The following CDH23 variants were observed in gnomAD, a reference collection of about 807,000 sequenced individuals.
CDH23 encodes the protein cadherin-23.
CDH23 carries 189 observed loss-of-function variants against 317.1 expected under a neutral mutation model. The observed-to-expected ratio is 0.60, with a 90% CI of 0.53 to 0.67. CDH23 has a LOEUF of 0.67. Among genes scored for constraint, CDH23 ranks in the 30% least tolerant of loss-of-function variants. The pLI, the probability that CDH23 is intolerant of heterozygous loss-of-function variation, is 0.00. For synonymous variants in CDH23, 1,839 were observed against 1,876.8 expected (o/e 0.98, Z 0.52); for missense variants, 4,401 against 4,592.4 (o/e 0.96, Z 1.20).
intron 16 of CDH23, among the ~76,000 whole-genome samples, chr10:71,678,571 T>C (rs1007305978): frequency 6.6e-6 from 1 of 152,182 alleles, no homozygotes; most frequent in Non-Finnish European, 1.5e-5. Context: ...GCACAGGGGA[T>C]ACCAAGAAGA....
At chr10:71,705,477 C>CAGAG (rs1865752394) in intron 25 of CDH23, among the ~76,000 whole-genome samples, 1 of 152,174 alleles carries the variant, frequency 6.6e-6, no homozygotes, top group South Asian at 2.1e-4. Flanking sequence ...AGGGAGGGTG[C>CAGAG]AGAGCCCTTT....
intron 9 of CDH23, among the ~76,000 whole-genome samples, chr10:71,598,337 C>T (rs564318731): frequency 7.2e-5 from 11 of 152,246 alleles, no homozygotes; most frequent in Non-Finnish European, 1.5e-4. Flanking sequence ...GCTTCCTCCA[C>T]AAGCAAAGAG....
At chr10:71,798,050 G>C (rs1841451584) in intron 49 of CDH23, among the ~76,000 whole-genome samples, 1 of 152,208 alleles carries the variant, frequency 6.6e-6, no homozygotes, top group African/African-American at 2.4e-5. Flanking sequence ...ATACAGCTCA[G>C]ACAGGATCTA....
chr10:71,514,833 C>T lies in CDH23; in HGVS notation c.429+3621C>T, dbSNP rs938655835. 2.6e-5 allele frequency among the ~76,000 whole-genome samples: 4 copies of T among 152,220 alleles called. No homozygotes were observed. The South Asian group carries it at 6.2e-4, about 24-fold the overall frequency. On this transcript the variant is annotated intron_variant, in intron 6 of 69. Transcript: ENST00000224721. ...GCCTCGACAGACCTCATTAAGTCCC[C>T]GTGTATTCATTTCAGGCTAATGGCT... is the stretch of plus-strand genomic sequence containing the variant.
intron 6 of CDH23, among the ~76,000 whole-genome samples, chr10:71,532,922 G>A (rs145666086): frequency 0.017 from 2,589 of 152,042 alleles, 104 homozygotes; most frequent in African/African-American, 0.059. Flanking sequence ...AATAGAGACG[G>A]GGTTTCACCA....
intron 1 of CDH23, among the ~76,000 whole-genome samples, chr10:71,400,776 G>A (rs904045678): frequency 6.6e-6 from 1 of 152,276 alleles, no homozygotes; most frequent in African/African-American, 2.4e-5. Flanking sequence ...TCCAGCCTGG[G>A]CGACAGAGTG....
intron 60 of CDH23, 118 bp from the exon 61 acceptor site, chr10:71,809,702 T>C: frequency 7.1e-7 from 1 of 1,411,910 alleles, no homozygotes; most frequent in African/African-American, 1.4e-5. Context: ...TGCTGTGCCC[T>C]GTGGGCATTT....
At chr10:71,578,104 A>G (rs1771062885) in intron 9 of CDH23, 112 bp downstream of exon 9, 1 of 1,049,450 alleles carries the variant, frequency 9.5e-7, no homozygotes, top group African/African-American at 1.6e-5. Context: ...GGCATGTGGG[A>G]CAGGGTAGGA....
At chr10:71,675,751 C>T (rs1864334909) in intron 15 of CDH23, among the ~76,000 whole-genome samples, 2 of 152,210 alleles carry the variant, frequency 1.3e-5, no homozygotes, top group South Asian at 4.1e-4. Context: ...GGGCTCTCAA[C>T]ATGCAGCAAC....
At chr10:71,724,368 C>T (rs1342838692) in intron 29 of CDH23, among the ~76,000 whole-genome samples, 1 of 152,210 alleles carries the variant, frequency 6.6e-6, no homozygotes, top group African/African-American at 2.4e-5. Flanking sequence ...TCTCGGCCTA[C>T]TGCAACCTCT....
chr10:71,647,708 C>G (rs10999929), intron 14 of CDH23: 2 of 151,950 alleles, frequency 1.3e-5, no homozygotes, highest in South Asian at 2.1e-4. Context: ...TCTGGTATGC[C>G]GGGGAGGGAT....
chr10:71,680,771 A>G (rs1394915996), intron 17 of CDH23, among the ~76,000 whole-genome samples: 4 of 147,272 alleles, frequency 2.7e-5, no homozygotes, highest in African/African-American at 9.9e-5. Context: ...AAAGAAAAAG[A>G]AATTGCATTC....
At chr10:71,693,415 T>A (rs1865258383) in intron 20 of CDH23, among the ~76,000 whole-genome samples, 1 of 152,222 alleles carries the variant, frequency 6.6e-6, no homozygotes, top group Non-Finnish European at 1.5e-5. Context: ...TGTTTAATTG[T>A]TCAGATTTAG....
At chr10:71,658,594 C>T (rs552890532) in intron 14 of CDH23, among the ~76,000 whole-genome samples, 25 of 152,226 alleles carry the variant, frequency 1.6e-4, no homozygotes, top group Non-Finnish European at 3.2e-4. Context: ...GAGGATACTG[C>T]GTTCATCCCA....
chr10:71,689,797 C>CA (rs1304123113), intron 19 of CDH23, among the ~76,000 whole-genome samples: 1 of 152,182 alleles, frequency 6.6e-6, no homozygotes, highest in African/African-American at 2.4e-5. Context: ...GGGGTCCAGT[C>CA]TGGGTGTGAA....
At chr10:71,642,000 G>A (rs1440498372) in intron 11 of CDH23, among the ~76,000 whole-genome samples, 2 of 152,158 alleles carry the variant, frequency 1.3e-5, no homozygotes, top group South Asian at 2.1e-4. Context: ...GGAGCCTGAG[G>A]TGTGAGAATC....
intron 55 of CDH23, among the ~76,000 whole-genome samples, chr10:71,805,524 G>C (rs778644488): frequency 4.6e-5 from 7 of 152,180 alleles, no homozygotes; most frequent in Non-Finnish European, 8.8e-5. Flanking sequence ...GGCAGCTCCT[G>C]GGAAGATGGT....
At chr10:71,533,091 T>A (rs1288293695) in intron 6 of CDH23, among the ~76,000 whole-genome samples, 1 of 152,166 alleles carries the variant, frequency 6.6e-6, no homozygotes, top group African/African-American at 2.4e-5. Flanking sequence ...GGTGTGACAC[T>A]CTCCCTGTGT....
chr10:71,615,608 A>C lies in CDH23; in HGVS notation c.937A>C (p.Thr313Pro). The C allele has an allele frequency of 1.2e-6, 2 of 1,613,054 alleles. No homozygotes were observed. The highest frequency in any genetic ancestry group is 1.7e-6 in the Non-Finnish European group (2 of 1,179,100). ...CCTGTACAGCCATGGCTTCATCCTG[A>C]CTGTGAAGGTGAGACCTGGGTGGGC... ...NPLYSHGFILTVKGTELNDDR... is the reference protein window; with the variant it reads ...NPLYSHGFILPVKGTELNDDR... The change falls in exon 10 of 70, where the codon ACT (threonine) becomes CCT (proline). Residue 313 changes from threonine (T) to proline (P), a missense_variant. Around this residue, in one of 3 missense-constraint regions of CDH23, gnomAD observed 3,068 missense variants for 3,203.3 expected, o/e 0.96. Transcript: ENST00000224721.
Sources: allele counts gnomAD v4.1 joint callset (sites outside exome capture counted in the v4.1 genomes callset), GRCh38; gene constraint gnomAD v4.1.1; regional missense constraint gnomAD v4.1.1; transcripts MANE v1.5; gene names NCBI Gene and HGNC (gene_info 2026-07-23, HGNC 2026-07-21).